MGAT5B: variants seen among roughly 807,000 people sequenced by gnomAD.
The protein encoded by MGAT5B is N-acetylglucosaminyl-transferase Vb.
A neutral mutation model predicts 95.1 loss-of-function variants in MGAT5B; 54 were observed. The observed-to-expected ratio is 0.57, with a 90% CI of 0.46 to 0.71. MGAT5B has a LOEUF of 0.71. Ranked by LOEUF, MGAT5B falls within the 30% of genes least tolerant of loss-of-function variation. The pLI, the probability that MGAT5B is intolerant of heterozygous loss-of-function variation, is 0.00. For synonymous variants in MGAT5B, 464 were observed against 451.0 expected, an observed-to-expected ratio of 1.03 and a Z score of -0.36; for missense variants, 935 against 1,088.6, an observed-to-expected ratio of 0.86 and a Z score of 1.99.
intron 12 of MGAT5B, among the ~76,000 whole-genome samples, chr17:76,934,790 C>CA (rs1357429905): frequency 6.6e-6 from 1 of 152,098 alleles, no homozygotes; most frequent in South Asian, 2.1e-4. Flanking sequence ...AAACTGCTTC[C>CA]AAAAAAAGAC....
intron 13 of MGAT5B, among the ~76,000 whole-genome samples, chr17:76,939,314 A>G (rs960386641): frequency 1.3e-5 from 2 of 152,012 alleles, no homozygotes; most frequent in South Asian, 4.1e-4. Context: ...CCTGGCCAAC[A>G]TGGTGAAACC....
At chr17:76,924,496 C>T in intron 8 of MGAT5B, 1 of 155,598 alleles carries the variant, frequency 6.4e-6, no homozygotes, top group Admixed American at 6.3e-5. Context: ...CAGCTCGCGG[C>T]CTCAGCCAGC....
rs938972841 is a variant in MGAT5B, at chr17:76,916,899, G to A, written c.1026-8067G>A. Among the ~76,000 whole-genome samples the A allele has an allele frequency of 5.9e-5, 9 of 152,258 alleles. No individual in the cohort carries two copies. Among genetic ancestry groups the A allele is most frequent in the East Asian group, 5.8e-4 (3 of 5,178 alleles). The stretch of plus-strand genomic sequence containing the variant: ...AGGGAGACTGGAAGGAGCCACCCAC[G>A]GGAAGGGTCAAACTCAGGGGTTCCC... On this transcript the variant is annotated intron_variant, in intron 8 of 17. Transcript: ENST00000569840. This position sits in a 1 kb window ranked among gnomAD's most constrained non-coding sequence, Gnocchi z 5.3.
intron 10 of MGAT5B, among the ~76,000 whole-genome samples, chr17:76,927,949 T>A (rs1969366198): frequency 6.6e-6 from 1 of 152,276 alleles, no homozygotes; most frequent in Non-Finnish European, 1.5e-5. Flanking sequence ...ATGTGATTTG[T>A]ATTTGGCCTG....
Position 76,905,418 on chromosome 17 carries a change from A to C in MGAT5B, c.855+85A>C. ...GAGTGGGCATGGAATAGGTCTTCAA[A>C]CAAGCTGTAGTGGGCTTCTGAATTT... On this transcript the variant is annotated intron_variant, in intron 7 of 17. Coordinates refer to ENST00000569840, the MANE Select transcript of MGAT5B (RefSeq NM_001199172.2). This position sits in a 1 kb window ranked among gnomAD's most constrained non-coding sequence, Gnocchi z 4.2. 3.2e-6 allele frequency: 4 copies of C among 1,236,042 alleles called. No individual in the cohort carries two copies. Among genetic ancestry groups the C allele is most frequent in the Non-Finnish European group, 4.4e-6 (4 of 909,964 alleles). 76.6% of individuals were successfully genotyped at this position (1,236,042 alleles called of 1,614,324 possible). A position where few individuals can be genotyped will look rare whatever the true frequency, so the allele number is the denominator to read the frequency against.
intron 11 of MGAT5B, 63 bp from the exon 12 acceptor site, chr17:76,933,229 C>G: frequency 6.3e-7 from 1 of 1,595,338 alleles, no homozygotes; most frequent in South Asian, 1.1e-5. Context: ...GTGTTGTCTG[C>G]GAATCATCAC....
intron 2 of MGAT5B, among the ~76,000 whole-genome samples, chr17:76,880,427 G>C (rs1421048579): frequency 2.0e-5 from 3 of 152,130 alleles, no homozygotes; most frequent in African/African-American, 7.2e-5. Flanking sequence ...GCAGTGGCTG[G>C]GCCAGCCAGA....
chr17:76,940,324 C>T lies in MGAT5B; in HGVS notation c.1585-78C>T. On this transcript the variant is annotated intron_variant, in intron 13 of 17. Transcript: ENST00000569840. This position sits in a 1 kb window ranked among gnomAD's most constrained non-coding sequence, Gnocchi z 4.3. ...TCCTGTGAATATCCCGAAGCCTCAC[C>T]TTGTCCCCGGCATCCTGGTGCTTAC... The T allele has an allele frequency of 6.8e-7, 1 of 1,475,390 alleles. No homozygotes were observed. Among genetic ancestry groups the T allele is most frequent in the Non-Finnish European group, 9.0e-7 (1 of 1,109,640 alleles). The allele number at this position is 1,475,390 out of a possible 1,614,324, so 91.4% of individuals were successfully genotyped here.
intron 2 of MGAT5B, among the ~76,000 whole-genome samples, chr17:76,875,404 C>T (rs1394054384): frequency 6.6e-6 from 1 of 152,138 alleles, no homozygotes; most frequent in African/African-American, 2.4e-5. Context: ...CCCCTTCCTG[C>T]TGCCATGTGA....
intron 8 of MGAT5B, among the ~76,000 whole-genome samples, chr17:76,921,581 C>T (rs941234536): frequency 1.3e-5 from 2 of 152,126 alleles, no homozygotes; most frequent in Non-Finnish European, 2.9e-5. Context: ...CACCCACTTC[C>T]CTGCTCCCTC....
At position 76,905,466 on chromosome 17, in the gene MGAT5B, G is replaced by A. The variant is rs1968488081; in HGVS notation, c.855+133G>A. 1 of 842,996 alleles carries A rather than the reference G, an allele frequency of 1.2e-6. No homozygotes were observed. The highest frequency in any genetic ancestry group is 1.7e-5 in the African/African-American group (1 of 58,536). The allele number at this position is 842,996 out of a possible 1,614,324, so 52.2% of individuals were successfully genotyped here. On this transcript the variant is annotated intron_variant, in intron 7 of 17. Transcript: ENST00000569840. The surrounding 1 kb of genome is among the most constrained non-coding windows in gnomAD (Gnocchi z 4.2). The stretch of plus-strand genomic sequence containing the variant: ...TTTGATCAGAGGGAGAGAGGGGTAG[G>A]GATGGCAGAGTCGGGATAGATGTCT...
At position 76,903,437 on chromosome 17, in the gene MGAT5B, G is replaced by GC. The variant is rs532563732; in HGVS notation, c.519+65dup. 71 of 1,438,296 alleles carry GC rather than the reference G, an allele frequency of 4.9e-5. No homozygotes were observed. In the South Asian group the frequency reaches 9.1e-4, roughly 18 times the overall value. 89.1% of individuals were successfully genotyped at this position (1,438,296 alleles called of 1,614,324 possible). ...GCTAGGGCCTCTCTGTCTGGCCCTG[G>GC]CCCCTCACCCAGGCACAAGCTGGCA... is the stretch of plus-strand genomic sequence containing the variant. On this transcript the variant is annotated intron_variant, in intron 5 of 17. Coordinates refer to ENST00000569840, the MANE Select transcript of MGAT5B (RefSeq NM_001199172.2).
At chr17:76,946,797 T>A (rs1970044426) in intron 16 of MGAT5B, among the ~76,000 whole-genome samples, 1 of 152,196 alleles carries the variant, frequency 6.6e-6, no homozygotes, top group African/African-American at 2.4e-5. Context: ...GAAGTGAAGA[T>A]CCCCAGACTC....
In MGAT5B at chr17:76,906,282, C is replaced by A; in HGVS notation, c.1025+95C>A. 2 of 1,272,778 alleles carry A rather than the reference C, an allele frequency of 1.6e-6. No homozygotes were observed. Among genetic ancestry groups the A allele is most frequent in the Non-Finnish European group, 1.1e-6 (1 of 940,884 alleles). The allele number at this position is 1,272,778 out of a possible 1,614,324, so 78.8% of individuals were successfully genotyped here. ...CTCCCAGGGGCTGTGGGAGCACCTGCTCTGCCTGCAGGTCCCACGGCCCTG... is the reference window on the plus strand; with the variant it reads ...CTCCCAGGGGCTGTGGGAGCACCTGATCTGCCTGCAGGTCCCACGGCCCTG... On this transcript the variant is annotated intron_variant, in intron 8 of 17. Transcript: ENST00000569840. The surrounding 1 kb of genome is among the most constrained non-coding windows in gnomAD (Gnocchi z 4.6).
rs770937816 is a variant in MGAT5B at position 76,882,283 on chromosome 17, A to G, written c.314A>G (p.His105Arg). Residue 105 changes from histidine (H) to arginine (R), a missense_variant, in exon 3 of 18, where the codon CAC becomes CGC. Around this residue, in one of 4 missense-constraint regions of MGAT5B, gnomAD observed 243 missense variants for 228.2 expected, o/e 1.06. Coordinates refer to ENST00000569840, the MANE Select transcript of MGAT5B (RefSeq NM_001199172.2). ...SELHRAGGDL[H>R]FPADRMPPGA... Reference sequence around the variant, plus strand: ...CTGCACCGGGCCGGCGGCGACCTGCACTTTCCCGCAGACAGGTGAGGGGAC... The same window carrying G: ...CTGCACCGGGCCGGCGGCGACCTGCGCTTTCCCGCAGACAGGTGAGGGGAC... 1.6e-5 allele frequency: 25 copies of G among 1,611,934 alleles called. No individual in the cohort carries two copies. The South Asian group carries it at 2.6e-4, about 17-fold the overall frequency.
chr17:76,928,807 T>A (rs189673835), intron 10 of MGAT5B, among the ~76,000 whole-genome samples: 1 of 151,246 alleles, frequency 6.6e-6, no homozygotes, highest in East Asian at 1.9e-4. Context: ...AGGAGTGGGG[T>A]GTTTTAGCCA....
At chr17:76,895,561 C>G (rs563026359) in intron 3 of MGAT5B, among the ~76,000 whole-genome samples, 1 of 152,162 alleles carries the variant, frequency 6.6e-6, no homozygotes, top group Non-Finnish European at 1.5e-5. Context: ...AGGATCTGTT[C>G]CAGGCCCTGC....
At chr17:76,897,603 A>C (rs184946385) in intron 3 of MGAT5B, among the ~76,000 whole-genome samples, 136 of 152,100 alleles carry the variant, frequency 8.9e-4, no homozygotes, top group African/African-American at 3.2e-3. Flanking sequence ...AGCCTGATCC[A>C]ATATGACCTC....
chr17:76,891,367 T>C (rs986237541), intron 3 of MGAT5B, among the ~76,000 whole-genome samples: 3 of 151,702 alleles, frequency 2.0e-5, no homozygotes, highest in African/African-American at 7.3e-5. Context: ...ACATTGAGGG[T>C]TAGGATTTCT....
Sources: allele counts gnomAD v4.1 joint callset (sites outside exome capture counted in the v4.1 genomes callset), GRCh38; gene constraint gnomAD v4.1.1; regional missense constraint gnomAD v4.1.1; non-coding constraint Gnocchi (gnomAD v3.1); transcripts MANE v1.5; gene names NCBI Gene and HGNC (gene_info 2026-07-23, HGNC 2026-07-21).